Variants in AP3B1 observed in about 807,000 individuals in gnomAD.
The protein encoded by AP3B1 is adaptor related protein complex 3 subunit beta 1, also known as AP-3 complex subunit beta-1.
A neutral mutation model predicts 132.5 loss-of-function variants in AP3B1; 61 were observed. The ratio of observed to expected loss-of-function variants is 0.46; its 90% CI spans 0.37 to 0.57. AP3B1 has a LOEUF of 0.57. Ranked by LOEUF, AP3B1 falls within the 20% of genes least tolerant of loss-of-function variation. The probability of loss-of-function intolerance (pLI) is 0.00; values close to 1 mark genes in which losing one functional copy is unlikely to be tolerated. For missense variants in AP3B1, 1,120 were observed against 1,289.4 expected (o/e 0.87, Z 2.01); for synonymous variants, 388 against 438.3 (o/e 0.89, Z 1.43).
intron 17 of AP3B1, among the ~76,000 whole-genome samples, chr5:78,123,681 T>TAAAAAGTCAGGAAAC (rs1313113491): frequency 2.6e-5 from 4 of 151,918 alleles, no homozygotes; most frequent in Admixed American, 2.6e-4. Context: ...TGGCAATCAT[T>TAAAAAGTCAGGAAAC]AAAAAGTCAG....
chr5:78,226,429 C>A (rs1056647917), intron 5 of AP3B1, among the ~76,000 whole-genome samples: 2 of 152,114 alleles, frequency 1.3e-5, no homozygotes, highest in African/African-American at 4.8e-5. Flanking sequence ...CAGTATTTCA[C>A]TACCAATCCC....
intron 17 of AP3B1, among the ~76,000 whole-genome samples, chr5:78,118,320 G>A (rs562438404): frequency 9.3e-4 from 141 of 152,298 alleles, no homozygotes; most frequent in African/African-American, 3.0e-3. Context: ...CATCTCACTA[G>A]AGAGTGCCAG....
intron 15 of AP3B1, among the ~76,000 whole-genome samples, chr5:78,136,938 T>C (rs1196946702): frequency 6.6e-6 from 1 of 152,174 alleles, no homozygotes; most frequent in East Asian, 1.9e-4. Context: ...GGATAGGTTA[T>C]ATGATTTGTC....
chr5:78,101,333 G>A, intron 20 of AP3B1: 1 of 454,240 alleles, frequency 2.2e-6, no homozygotes, highest in South Asian at 1.7e-5. Flanking sequence ...AACGTAAAGT[G>A]GCTCTTTGGT....
chr5:78,189,644 C>T (rs150593993), intron 7 of AP3B1, among the ~76,000 whole-genome samples: 10 of 151,986 alleles, frequency 6.6e-5, no homozygotes, highest in East Asian at 1.9e-4. Flanking sequence ...CCAAGGCAGG[C>T]GGATCACCTG....
chr5:78,078,112 T>A (rs1031513648), intron 22 of AP3B1, among the ~76,000 whole-genome samples: 1 of 152,206 alleles, frequency 6.6e-6, no homozygotes, highest in African/African-American at 2.4e-5. Flanking sequence ...AATTTTTCAC[T>A]AAAATCCAGA....
intron 1 of AP3B1, among the ~76,000 whole-genome samples, chr5:78,292,136 C>A (rs1241247264): frequency 6.6e-6 from 1 of 151,658 alleles, no homozygotes; most frequent in Non-Finnish European, 1.5e-5. Flanking sequence ...TCAGAGTAAA[C>A]CATTAAAAAC....
At chr5:78,280,435 A>G (rs1360810864) in intron 1 of AP3B1, among the ~76,000 whole-genome samples, 1 of 152,196 alleles carries the variant, frequency 6.6e-6, no homozygotes, top group Non-Finnish European at 1.5e-5. Flanking sequence ...CAAACAATTC[A>G]TCTTTGTTGG....
intron 1 of AP3B1, among the ~76,000 whole-genome samples, chr5:78,279,210 A>G (rs1748933853): frequency 6.6e-6 from 1 of 152,178 alleles, no homozygotes. Context: ...GTTATGAGAT[A>G]TGGGATTGGA....
intron 2 of AP3B1, among the ~76,000 whole-genome samples, chr5:78,266,636 C>A (rs554412945): frequency 6.6e-6 from 1 of 152,180 alleles, no homozygotes; most frequent in Admixed American, 6.5e-5. Flanking sequence ...CAAATGTATT[C>A]AATTTTGACC....
chr5:78,076,538 G>T (rs1561390016), intron 22 of AP3B1, among the ~76,000 whole-genome samples: 1 of 152,324 alleles, frequency 6.6e-6, no homozygotes, highest in Admixed American at 6.5e-5. Flanking sequence ...ACTCATGACA[G>T]GTCCCTCAGA....
At chr5:78,116,976 A>G (rs369106064) in intron 17 of AP3B1, among the ~76,000 whole-genome samples, 1 of 152,182 alleles carries the variant, frequency 6.6e-6, no homozygotes, top group African/African-American at 2.4e-5. Flanking sequence ...CAGTCTGCAC[A>G]GCCCAATACA....
intron 2 of AP3B1, among the ~76,000 whole-genome samples, chr5:78,244,043 C>A (rs905879453): frequency 1.3e-5 from 2 of 152,124 alleles, no homozygotes; most frequent in African/African-American, 4.8e-5. Flanking sequence ...ATAGTGAGCA[C>A]AGTGAGAATG....
intron 1 of AP3B1, among the ~76,000 whole-genome samples, chr5:78,274,933 G>A (rs915044987): frequency 1.3e-5 from 2 of 151,762 alleles, no homozygotes; most frequent in Non-Finnish European, 2.9e-5. Flanking sequence ...AAAAAAAAAG[G>A]CATCCAGAAA....
chr5:78,125,849 A>G (rs1752432677), intron 17 of AP3B1, among the ~76,000 whole-genome samples: 1 of 152,216 alleles, frequency 6.6e-6, no homozygotes, highest in Non-Finnish European at 1.5e-5. Context: ...TACTGTCCCT[A>G]TAAGGTAGTT....
intron 21 of AP3B1, among the ~76,000 whole-genome samples, chr5:78,098,640 G>C (rs1413133457): frequency 6.6e-6 from 1 of 152,196 alleles, no homozygotes; most frequent in Non-Finnish European, 1.5e-5. Context: ...TCCCAGGTTA[G>C]TCCTACATCA....
At chr5:78,225,755 G>A in intron 5 of AP3B1, 147 bp from the exon 6 acceptor site, 1 of 574,828 alleles carries the variant, frequency 1.7e-6, no homozygotes, top group African/African-American at 1.9e-5. Flanking sequence ...CAAATAAAAT[G>A]GGATGGTTTT....
In AP3B1 at chr5:78,165,657, T is replaced by G; in HGVS notation, c.1183A>C (p.Asn395His). ...IKTLKLEILT[N>H]LANEANISTL... ...GATATGTTGGCTTCATTTGCCAAGTTTGTCAAAATTTCAAGCTATAGTAGA... is the reference window on the plus strand; with the variant it reads ...GATATGTTGGCTTCATTTGCCAAGTGTGTCAAAATTTCAAGCTATAGTAGA... Residue 395 changes from asparagine to histidine, a missense_variant, in exon 12 of 27, where the codon AAC becomes CAC. This residue lies in a region of AP3B1 where 906 missense variants were observed against 997.1 expected (regional missense o/e 0.91). Transcript: ENST00000255194. The G allele has an allele frequency of 6.2e-7, 1 of 1,606,626 alleles. No individual in the cohort carries two copies. Among genetic ancestry groups the G allele is most frequent in the Non-Finnish European group, 8.5e-7 (1 of 1,174,656 alleles).
intron 13 of AP3B1, among the ~76,000 whole-genome samples, chr5:78,161,879 G>T (rs979335900): frequency 7.2e-5 from 11 of 151,768 alleles, no homozygotes; most frequent in African/African-American, 2.7e-4. Flanking sequence ...TCTACATGTG[G>T]GAAAAAATAA....
Sources: gnomAD v4.1 joint callset for allele counts (sites outside exome capture counted in the v4.1 genomes callset) on GRCh38, gnomAD v4.1.1 for gene constraint, gnomAD v4.1.1 regional missense constraint, MANE v1.5 for transcripts, NCBI Gene and HGNC (gene_info 2026-07-23, HGNC 2026-07-21) for gene names.